Variants in SLC1A2 observed in about 807,000 individuals in gnomAD.
SLC1A2 encodes the protein solute carrier family 1 member 2, also known as excitatory amino acid transporter 2.
SLC1A2 carries 15 observed loss-of-function variants against 48.8 expected under a neutral mutation model. The observed-to-expected ratio is 0.31, with a 90% CI of 0.21 to 0.47. The LOEUF (loss-of-function observed/expected upper bound fraction) is 0.47. Among genes scored for constraint, SLC1A2 ranks in the 20% least tolerant of loss-of-function variants. The pLI is 0.99. For synonymous variants in SLC1A2, 279 were observed against 272.6 expected (o/e 1.02, Z -0.23); for missense variants, 502 against 730.5 (o/e 0.69, Z 3.61).
intron 1 of SLC1A2, among the ~76,000 whole-genome samples, chr11:35,388,879 T>A (rs187700251): frequency 2.6e-5 from 4 of 152,202 alleles, no homozygotes; most frequent in Non-Finnish European, 5.9e-5. Flanking sequence ...TTGTCACTTA[T>A]AAGTGGTAGC....
chr11:35,279,810 A>G (rs1850566028), intron 9 of SLC1A2, among the ~76,000 whole-genome samples: 1 of 152,216 alleles, frequency 6.6e-6, no homozygotes. Flanking sequence ...GGAAGATGTA[A>G]AGTGCTCAGT....
intron 3 of SLC1A2, 180 bp downstream of exon 3, chr11:35,314,843 G>T: frequency 3.2e-5 from 12 of 377,052 alleles, no homozygotes; most frequent in Admixed American, 4.1e-5. Flanking sequence ...ACTAATCGAT[G>T]GCAAGCTTTT....
At chr11:35,400,994 C>T (rs1281534603) in intron 1 of SLC1A2, among the ~76,000 whole-genome samples, 1 of 150,166 alleles carries the variant, frequency 6.7e-6, no homozygotes, top group East Asian at 2.0e-4. Flanking sequence ...CAACTGGAAG[C>T]AAGGAGGTGG....
chr11:35,301,654 T>C lies in SLC1A2; in HGVS notation c.731-9A>G. On this transcript the variant is annotated splice_polypyrimidine_tract_variant and intron_variant, in intron 5 of 10. Coordinates refer to ENST00000278379, the MANE Select transcript of SLC1A2 (RefSeq NM_004171.4). ...GAAAAACCCTATCAGACCTGTTGGA[T>C]GAATCACATTACATAGAAGGACAAA... The C allele has an allele frequency of 1.2e-6, 2 of 1,612,444 alleles. No individual in the cohort carries two copies. Among genetic ancestry groups the C allele is most frequent in the Non-Finnish European group, 8.5e-7 (1 of 1,179,208 alleles).
intron 1 of SLC1A2, among the ~76,000 whole-genome samples, chr11:35,324,861 A>G (rs566090235): frequency 1.9e-3 from 287 of 152,214 alleles, no homozygotes; most frequent in Non-Finnish European, 3.4e-3. Flanking sequence ...ATCACCCCAA[A>G]CAGAAATAAG....
At chr11:35,277,335 C>A (rs985210710) in intron 9 of SLC1A2, among the ~76,000 whole-genome samples, 1 of 152,150 alleles carries the variant, frequency 6.6e-6, no homozygotes, top group African/African-American at 2.4e-5. Context: ...CCTGACCTGG[C>A]CATACAAGCT....
rs982247387 is a variant in SLC1A2, at chr11:35,255,100, C to A, written c.*5794G>T. The A allele has an allele frequency of 3.6e-6, 1 of 279,864 alleles. No homozygotes were observed. The highest frequency in any genetic ancestry group is 3.4e-5 in the South Asian group (1 of 29,732). 17.3% of individuals were successfully genotyped at this position (279,864 alleles called of 1,614,324 possible). A position where few individuals can be genotyped will look rare whatever the true frequency, so the allele number is the denominator to read the frequency against. On this transcript the variant is annotated 3_prime_UTR_variant, in exon 11 of 11. Transcript: ENST00000278379. Reference sequence around the variant, plus strand: ...AATCCTTTCAGTCCTAGCTTTACATCTTGCCCTTGCAAACCTGAAGAGCTG... The same window carrying A: ...AATCCTTTCAGTCCTAGCTTTACATATTGCCCTTGCAAACCTGAAGAGCTG...
chr11:35,286,786 G>A lies in SLC1A2; in HGVS notation c.1257C>T (p.Val419=), dbSNP rs752921965. 14 of 1,613,470 alleles carry A rather than the reference G, an allele frequency of 8.7e-6. No individual in the cohort carries two copies. In the East Asian group the frequency reaches 2.7e-4, roughly 31 times the overall value. ...CAGTCACAATCTGTCCTCCATCCAG[G>A]ACAACACCATTCATTTGGGCTATAA... is the stretch of plus-strand genomic sequence containing the variant. ...AIFIAQMNGV[V]LDGGQIVTVS... The change falls in exon 8 of 11, where the codon GTC becomes GTT. Residue 419 remains valine, a synonymous_variant. Coordinates refer to ENST00000278379, the MANE Select transcript of SLC1A2 (RefSeq NM_004171.4).
chr11:35,283,333 A>T (rs993641638), intron 8 of SLC1A2, among the ~76,000 whole-genome samples: 5 of 152,246 alleles, frequency 3.3e-5, no homozygotes, highest in Admixed American at 6.5e-5. Flanking sequence ...CAGCCTGAAG[A>T]TAGATTTGGC....
intron 1 of SLC1A2, among the ~76,000 whole-genome samples, chr11:35,337,861 G>T (rs1270993426): frequency 6.6e-6 from 1 of 151,972 alleles, no homozygotes; most frequent in East Asian, 1.9e-4. Flanking sequence ...AACAGTCCTG[G>T]AATACACTGC....
At position 35,301,655 on chromosome 11, in the gene SLC1A2, G is replaced by A. The variant is rs1303764757; in HGVS notation, c.731-10C>T. 1.9e-6 allele frequency: 3 copies of A among 1,612,002 alleles called. No homozygotes were observed. The highest frequency in any genetic ancestry group is 1.3e-5 in the African/African-American group (1 of 74,988). On this transcript the variant is annotated splice_polypyrimidine_tract_variant and intron_variant, in intron 5 of 10. Transcript: ENST00000278379. ...AAAAACCCTATCAGACCTGTTGGAT[G>A]AATCACATTACATAGAAGGACAAAT...
intron 1 of SLC1A2, among the ~76,000 whole-genome samples, chr11:35,371,947 G>T (rs557307208): frequency 1.3e-5 from 2 of 152,338 alleles, no homozygotes; most frequent in Non-Finnish European, 1.5e-5. Flanking sequence ...AAAACAAAAT[G>T]ATAGTAGCCT....
At chr11:35,360,485 G>A (rs1012943911) in intron 1 of SLC1A2, among the ~76,000 whole-genome samples, 1 of 152,090 alleles carries the variant, frequency 6.6e-6, no homozygotes, top group Non-Finnish European at 1.5e-5. Flanking sequence ...TCCAACCCCA[G>A]TGACCATTAA....
chr11:35,281,306 A>G (rs1326515916), intron 8 of SLC1A2, among the ~76,000 whole-genome samples: 2 of 152,206 alleles, frequency 1.3e-5, no homozygotes, highest in Admixed American at 6.5e-5. Flanking sequence ...GCGTGGCTCT[A>G]AAAGCAGGCA....
At chr11:35,280,086 C>G (rs1850575974) in intron 9 of SLC1A2, among the ~76,000 whole-genome samples, 1 of 152,210 alleles carries the variant, frequency 6.6e-6, no homozygotes, top group African/African-American at 2.4e-5. Flanking sequence ...CTGTCACTCC[C>G]AAAGGTTTCC....
intron 8 of SLC1A2, chr11:35,286,450 T>C: frequency 5.1e-6 from 1 of 195,702 alleles, no homozygotes; most frequent in Admixed American, 5.9e-5. Context: ...TCTTGGTGCC[T>C]GAGTTTCTTT....
chr11:35,304,846 TTTG>T (rs1323086140), intron 5 of SLC1A2, among the ~76,000 whole-genome samples: 1 of 152,240 alleles, frequency 6.6e-6, no homozygotes. Context: ...CCATGCAATA[TTTG>T]TGACTTACAC....
At chr11:35,284,108 T>TAA (rs1314229552) in intron 8 of SLC1A2, among the ~76,000 whole-genome samples, 4 of 143,854 alleles carry the variant, frequency 2.8e-5, no homozygotes, top group South Asian at 2.1e-4. Context: ...TATATATATA[T>TAA]ATAAATTATT....
intron 5 of SLC1A2, among the ~76,000 whole-genome samples, chr11:35,303,830 A>T (rs1399052839): frequency 1.3e-5 from 2 of 152,146 alleles, no homozygotes; most frequent in African/African-American, 2.4e-5. Context: ...GGGAGGCAAG[A>T]GCTGGGGTTG....
Sources: allele counts gnomAD v4.1 joint callset (sites outside exome capture counted in the v4.1 genomes callset), GRCh38; gene constraint gnomAD v4.1.1; transcripts MANE v1.5; gene names NCBI Gene and HGNC (gene_info 2026-07-23, HGNC 2026-07-21).